Variants in C5 observed in about 807,000 individuals in gnomAD.
The protein encoded by C5 is complement C5, also known as C3 and PZP-like alpha-2-macroglobulin domain-containing protein 4.
In C5, 140 loss-of-function variants were observed where a neutral mutation model predicts 218.8. That is an observed-to-expected ratio of 0.64 (90% CI 0.56 to 0.74). C5 has a LOEUF of 0.74. Ranked by LOEUF, C5 falls within the 30% of genes least tolerant of loss-of-function variation. The pLI is 0.00. For synonymous variants in C5, 614 were observed against 682.3 expected (o/e 0.90, Z 1.56); for missense variants, 1,700 against 1,969.6 (o/e 0.86, Z 2.59).
chr9:120,957,309 T>C lies in C5; in HGVS notation c.4738A>G (p.Thr1580Ala). The C allele has an allele frequency of 1.2e-6, 2 of 1,612,416 alleles. No individual in the cohort carries two copies. The highest frequency in any genetic ancestry group is 1.7e-6 in the Non-Finnish European group (2 of 1,178,672). ...CCAGTTTTGTAGATATCCAGAAGGGTTGCCTTGTACTTGACAAAAACATTT... is the reference window on the plus strand; with the variant it reads ...CCAGTTTTGTAGATATCCAGAAGGGCTGCCTTGTACTTGACAAAAACATTT... The part of the protein sequence containing the change: ...VENVFVKYKA[T>A]LLDIYKTGEA... The change falls in exon 39 of 41, where the codon ACC becomes GCC. Residue 1580 changes from threonine to alanine, a missense_variant. Thr to Ala is a moderately conservative substitution (Grantham distance 58, BLOSUM62 0). Coordinates refer to ENST00000223642, the MANE Select transcript of C5 (RefSeq NM_001735.3).
chr9:121,025,417 T>TATACACAC, intron 9 of C5, 37 bp downstream of exon 9: 1 of 191,120 alleles, frequency 5.2e-6, no homozygotes, highest in Non-Finnish European at 7.9e-6. Context: ...CAAAAGAAAG[T>TATACACAC]ATACACACAC....
chr9:121,018,028 C>G (rs368167442), intron 12 of C5, among the ~76,000 whole-genome samples, 176 bp from the exon 13 acceptor site: 33 of 149,216 alleles, frequency 2.2e-4, no homozygotes, highest in Non-Finnish European at 4.0e-4. Flanking sequence ...CGAGGTGGGC[C>G]GATCACTTGA....
the C5 span, among the ~76,000 whole-genome samples, chr9:121,069,541 T>TC: frequency 1.3e-5 from 2 of 151,946 alleles, no homozygotes; most frequent in Non-Finnish European, 2.9e-5. Flanking sequence ...TTTTTTTTTT[T>TC]TGGTTTCTGT....
At chr9:121,073,755 C>T in the C5 span, among the ~76,000 whole-genome samples, 1 of 152,044 alleles carries the variant, frequency 6.6e-6, no homozygotes, top group Non-Finnish European at 1.5e-5. Flanking sequence ...CTCAAGTGAT[C>T]CTCCCACCTT....
At chr9:121,008,643 T>C (rs1047507914) in intron 17 of C5, 145 bp from the exon 18 acceptor site, 1 of 684,212 alleles carries the variant, frequency 1.5e-6, no homozygotes, top group East Asian at 2.9e-5. Flanking sequence ...CAAAATAGAA[T>C]TATAGGCAGG....
chr9:120,997,639 C>A lies in C5; in HGVS notation c.2698G>T (p.Val900Leu). ...TGAAGGCCAATTTCCAGAGGAAGCA[C>A]AGTGAATGTCACCAAGTGACTGGAG... ...GSSSHLVTFT[V>L]LPLEIGLHNI... Residue 900 changes from valine (V) to leucine (L), a missense_variant, in exon 21 of 41, where the codon GTG becomes TTG. By Grantham distance (32) the Val-to-Leu change is conservative (BLOSUM62 1). Transcript: ENST00000223642. 1.2e-6 allele frequency: 2 copies of A among 1,614,130 alleles called. No individual in the cohort carries two copies. Among genetic ancestry groups the A allele is most frequent in the Non-Finnish European group, 8.5e-7 (1 of 1,179,998 alleles).
At chr9:121,041,678 C>T (rs1449792201) in intron 3 of C5, among the ~76,000 whole-genome samples, 2 of 152,016 alleles carry the variant, frequency 1.3e-5, no homozygotes, top group South Asian at 2.1e-4. Flanking sequence ...GACTGATGAC[C>T]CTTAGTTGTG....
At position 121,024,777 on chromosome 9, in the gene C5, C is replaced by A. The variant is rs41308950; in HGVS notation, c.1000+677G>T. On this transcript the variant is annotated intron_variant, in intron 9 of 40. Transcript: ENST00000223642. ...TTTTGCTTAGAGCTCATATGGAATT[C>A]TTTCTTGCAACAGTTCTTTCTTCAC... 3.7e-3 allele frequency among the ~76,000 whole-genome samples: 563 copies of A among 152,310 alleles called. 4 individuals are homozygous for A. Among genetic ancestry groups the A allele is most frequent in the African/African-American group, 0.013 (531 of 41,568 alleles).
At chr9:121,071,431 T>A in the C5 span, among the ~76,000 whole-genome samples, 1 of 151,644 alleles carries the variant, frequency 6.6e-6, no homozygotes, top group Non-Finnish European at 1.5e-5. Flanking sequence ...ATGCGTGTAA[T>A]CCCAGCACTT....
chr9:121,047,566 C>T (rs971138188), intron 1 of C5, among the ~76,000 whole-genome samples: 1 of 152,182 alleles, frequency 6.6e-6, no homozygotes, highest in Non-Finnish European at 1.5e-5. Context: ...GCCCAACAAG[C>T]TTGGAGGGCA....
upstream of C5, among the ~76,000 whole-genome samples, chr9:121,053,954 G>A (rs1032673962): frequency 6.6e-6 from 1 of 152,178 alleles, no homozygotes. Context: ...GTCTATTTGA[G>A]TGGCAGTCAG....
chr9:121,008,927 CACAAACAAACAA>C (rs60617637), intron 17 of C5, among the ~76,000 whole-genome samples: 25 of 150,430 alleles, frequency 1.7e-4, no homozygotes, highest in South Asian at 2.1e-4. Context: ...GAGACTCTGT[CACAAACAAACAA>C]ACAAACAAAC....
chr9:120,996,611 A>G (rs1044263648), intron 21 of C5, among the ~76,000 whole-genome samples: 3 of 152,248 alleles, frequency 2.0e-5, no homozygotes, highest in Admixed American at 6.5e-5. Context: ...CCCATTCGAC[A>G]GATGAGGAGA....
At chr9:120,992,618 G>A (rs1483936788) in intron 22 of C5, among the ~76,000 whole-genome samples, 1 of 152,124 alleles carries the variant, frequency 6.6e-6, no homozygotes, top group African/African-American at 2.4e-5. Flanking sequence ...CTACTACCAG[G>A]TGGAAAAGGT....
chr9:121,043,158 T>G lies in C5; in HGVS notation c.267A>C (p.Pro89=), dbSNP rs758128814. ...GGTTTTGTCCTCCAGGCAATTGTTT[T>G]GGTTGTATCTGGAAAAGAAATTGTT... ...FQNSAILTIQ[P]KQLPGGQNPV... is the part of the protein sequence containing the mutation. The change falls in exon 3 of 41, where the codon CCA becomes CCC. Residue 89 remains proline, a synonymous_variant. Transcript: ENST00000223642. The G allele has an allele frequency of 5.4e-4, 871 of 1,612,030 alleles. No individual in the cohort carries two copies. The highest frequency in any genetic ancestry group is 1.5e-3 in the Admixed American group (91 of 59,942).
chr9:120,984,101 T>C (rs2047015438), intron 25 of C5, among the ~76,000 whole-genome samples: 2 of 152,228 alleles, frequency 1.3e-5, no homozygotes, highest in South Asian at 4.1e-4. Flanking sequence ...CATTAAATTA[T>C]AGTATTTTGG....
intron 2 of C5, among the ~76,000 whole-genome samples, chr9:121,044,948 CTTTTTT>C (rs1158658235): frequency 1.6e-5 from 2 of 127,828 alleles, no homozygotes; most frequent in East Asian, 4.5e-4. Flanking sequence ...GTAACACTTT[CTTTTTT>C]TTTTTTTTTT....
chr9:121,047,162 A>G (rs1305206598), intron 1 of C5, among the ~76,000 whole-genome samples: 2 of 152,228 alleles, frequency 1.3e-5, no homozygotes, highest in East Asian at 1.9e-4. Flanking sequence ...CAATAAGCCA[A>G]TGATGCTGGT....
At chr9:120,964,794 TC>T in intron 33 of C5, among the ~76,000 whole-genome samples, 1 of 152,348 alleles carries the variant, frequency 6.6e-6, no homozygotes, top group South Asian at 2.1e-4. Context: ...ATTTCCCCTT[TC>T]TAAGCTCATT....
Sources: allele counts gnomAD v4.1 joint callset (sites outside exome capture counted in the v4.1 genomes callset), GRCh38; gene constraint gnomAD v4.1.1; transcripts MANE v1.5; gene names NCBI Gene and HGNC (gene_info 2026-07-23, HGNC 2026-07-21).